The following FRMPD4 variants were observed in gnomAD, a reference collection of about 807,000 sequenced individuals.
FRMPD4 encodes FERM and PDZ domain-containing protein 4.
FRMPD4 carries 22 observed loss-of-function variants against 94.1 expected under a neutral mutation model. That is an observed-to-expected ratio of 0.23 (90% confidence interval 0.17 to 0.33). The LOEUF (loss-of-function observed/expected upper bound fraction) is 0.33, where lower values mean the gene tolerates loss of function less well. Among genes scored for constraint, FRMPD4 ranks in the 10% least tolerant of loss-of-function variants. The probability of loss-of-function intolerance (pLI) is 1.00; values close to 1 mark genes in which losing one functional copy is unlikely to be tolerated. For missense variants in FRMPD4, 1,111 were observed against 1,339.9 expected (o/e 0.83, Z 2.67); for synonymous variants, 631 against 548.6 (o/e 1.15, Z -2.10).
intron 3 of FRMPD4, among the ~76,000 whole-genome samples, chrX:11,899,250 G>A (rs886101727): frequency 2.7e-5 from 3 of 111,642 alleles, no homozygotes; most frequent in Non-Finnish European, 5.6e-5. Flanking sequence ...AGTGGCTGGT[G>A]ACTATAGCAA....
chrX:12,068,857 C>A (rs1229197876), intron 3 of FRMPD4, among the ~76,000 whole-genome samples: 3 of 112,035 alleles, frequency 2.7e-5, no homozygotes, highest in African/African-American at 9.7e-5. Flanking sequence ...GAGTGTCTAC[C>A]ATATGTCAGA....
chrX:11,851,214 C>T (rs1789367337), intron 1 of FRMPD4, among the ~76,000 whole-genome samples: 1 of 111,687 alleles, frequency 9.0e-6, no homozygotes. Flanking sequence ...GTTGTATGCT[C>T]ATGGTCAAGT....
At chrX:12,613,271 TTTTAAG>T (rs1280734593) in intron 3 of FRMPD4, among the ~76,000 whole-genome samples, 3 of 111,792 alleles carry the variant, frequency 2.7e-5, no homozygotes, top group African/African-American at 9.7e-5. Flanking sequence ...TCAGATGTGG[TTTTAAG>T]TTTATGTGTC....
intron 9 of FRMPD4, among the ~76,000 whole-genome samples, chrX:12,695,122 T>C (rs1261526980): frequency 9.0e-6 from 1 of 111,530 alleles, no homozygotes; most frequent in Non-Finnish European, 1.9e-5. Flanking sequence ...TTTTGAGGAG[T>C]ACTAGTCAGC....
At chrX:12,602,818 G>A (rs1205096890) in intron 2 of FRMPD4, among the ~76,000 whole-genome samples, 1 of 111,852 alleles carries the variant, frequency 8.9e-6, no homozygotes, top group African/African-American at 3.3e-5. Flanking sequence ...TTGTGACGCT[G>A]GTGGGCAGTA....
At chrX:12,265,850 C>T (rs891644917) in intron 1 of FRMPD4, among the ~76,000 whole-genome samples, 11 of 109,821 alleles carry the variant, frequency 1.0e-4, no homozygotes, top group Admixed American at 3.9e-4. Context: ...AAACAAAAGC[C>T]GGGCGCGGTG....
chrX:12,566,831 A>C (rs1232294445), intron 2 of FRMPD4, among the ~76,000 whole-genome samples: 1 of 111,287 alleles, frequency 9.0e-6, no homozygotes, highest in African/African-American at 3.3e-5. Context: ...GTCATTTAGA[A>C]AGTAGCAAAA....
At chrX:12,158,002 G>A (rs2147611816) in intron 1 of FRMPD4, among the ~76,000 whole-genome samples, 1 of 111,964 alleles carries the variant, frequency 8.9e-6, no homozygotes, top group Admixed American at 9.5e-5. Flanking sequence ...ACAGAGAATG[G>A]GGAAATAAAA....
intron 3 of FRMPD4, among the ~76,000 whole-genome samples, chrX:11,976,277 T>G (rs1479977192): frequency 8.9e-6 from 1 of 112,136 alleles, no homozygotes; most frequent in Non-Finnish European, 1.9e-5. Context: ...ACACAAAAAT[T>G]AAAGACAAAT....
chrX:11,927,346 C>A (rs2054095116), intron 3 of FRMPD4, among the ~76,000 whole-genome samples: 1 of 111,867 alleles, frequency 8.9e-6, no homozygotes, highest in South Asian at 3.7e-4. Flanking sequence ...ACATTCAATG[C>A]TATTCCTATT....
intron 1 of FRMPD4, among the ~76,000 whole-genome samples, chrX:12,139,324 G>T (rs17281320): frequency 0.097 from 10,763 of 110,964 alleles, 1,059 homozygotes; most frequent in East Asian, 0.63. Context: ...TCAGGGCTAA[G>T]AGAAGATGGT....
chrX:12,224,515 T>C (rs1016240079), intron 1 of FRMPD4, among the ~76,000 whole-genome samples: 3 of 111,901 alleles, frequency 2.7e-5, no homozygotes, highest in Non-Finnish European at 5.6e-5. Flanking sequence ...GGAATTCACA[T>C]TATGAAGAAT....
intron 14 of FRMPD4, 49 bp downstream of exon 14, chrX:12,710,586 C>T (rs751896301): frequency 9.3e-7 from 1 of 1,076,699 alleles, no homozygotes; most frequent in Non-Finnish European, 1.3e-6. Flanking sequence ...GCAAACACCC[C>T]ACCTGACAAC....
chrX:12,703,713 G>A (rs2041827967), intron 10 of FRMPD4, among the ~76,000 whole-genome samples: 1 of 111,935 alleles, frequency 8.9e-6, no homozygotes, highest in African/African-American at 3.2e-5. Context: ...ATTTGTTGTT[G>A]TTTTGTTGTA....
intron 4 of FRMPD4, among the ~76,000 whole-genome samples, chrX:12,640,479 A>G (rs1347543178): frequency 9.0e-6 from 1 of 111,058 alleles, no homozygotes; most frequent in Non-Finnish European, 1.9e-5. Context: ...AGATTGAAAA[A>G]GAAATGAGGA....
intron 3 of FRMPD4, among the ~76,000 whole-genome samples, chrX:11,929,315 A>G (rs1231839716): frequency 8.9e-6 from 1 of 112,202 alleles, no homozygotes; most frequent in Non-Finnish European, 1.9e-5. Context: ...GGGGAGGCTT[A>G]GAATTACTTT....
intron 3 of FRMPD4, among the ~76,000 whole-genome samples, chrX:11,997,068 G>A (rs777190611): frequency 6.3e-5 from 7 of 111,330 alleles, no homozygotes; most frequent in East Asian, 2.8e-4. Context: ...AAGGCATGGC[G>A]TTGAGAATTA....
chrX:12,572,128 A>AT (rs1390119686), intron 2 of FRMPD4, among the ~76,000 whole-genome samples: 2 of 112,375 alleles, frequency 1.8e-5, no homozygotes, highest in Non-Finnish European at 3.8e-5. Flanking sequence ...CCTGCATTAT[A>AT]TACCGCTTTG....
chrX:12,498,830 C>A, intron 2 of FRMPD4, 34 bp downstream of exon 2: 1 of 761,015 alleles, frequency 1.3e-6, no homozygotes. Flanking sequence ...CAATAGAATC[C>A]TTGGCCAATG....
Sources: gnomAD v4.1 joint callset for allele counts (sites outside exome capture counted in the v4.1 genomes callset) on GRCh38, gnomAD v4.1.1 for gene constraint, MANE v1.5 for transcripts, NCBI Gene and HGNC (gene_info 2026-07-23, HGNC 2026-07-21) for gene names.